The following PKN2 variants were observed in gnomAD, a reference collection of about 807,000 sequenced individuals.
The protein encoded by PKN2 is serine/threonine-protein kinase N2.
Under a neutral mutation model 119.1 loss-of-function variants are expected in PKN2, and 38 were observed. The ratio of observed to expected loss-of-function variants is 0.32; its 90% CI spans 0.25 to 0.42. The LOEUF (loss-of-function observed/expected upper bound fraction) is 0.42, where lower values mean the gene tolerates loss of function less well. Ranked by LOEUF, PKN2 falls within the 10% of genes least tolerant of loss-of-function variation. PKN2 has a pLI of 1.00. For synonymous variants in PKN2, 390 were observed against 384.9 expected (o/e 1.01, Z -0.15); for missense variants, 850 against 1,165.1 (o/e 0.73, Z 3.94).
At chr1:88,732,081 GT>G (rs34143555) in intron 1 of PKN2, among the ~76,000 whole-genome samples, 1 of 152,190 alleles carries the variant, frequency 6.6e-6, no homozygotes, top group Non-Finnish European at 1.5e-5. Context: ...GTAGTCTGTA[GT>G]TTGGTCCCTT....
chr1:88,773,217 C>T (rs1446072046), intron 6 of PKN2, among the ~76,000 whole-genome samples: 2 of 149,998 alleles, frequency 1.3e-5, no homozygotes, highest in Admixed American at 6.6e-5. Context: ...AAGATCCATT[C>T]TGTCAGTCTT....
chr1:88,693,210 C>T (rs1397491664), intron 1 of PKN2, among the ~76,000 whole-genome samples: 2 of 151,928 alleles, frequency 1.3e-5, no homozygotes, highest in Non-Finnish European at 2.9e-5. Context: ...CAGTATATTC[C>T]GTAAGATTAT....
At chr1:88,744,618 C>T (rs898960290) in intron 2 of PKN2, among the ~76,000 whole-genome samples, 1 of 152,166 alleles carries the variant, frequency 6.6e-6, no homozygotes, top group Non-Finnish European at 1.5e-5. Context: ...GGCAGGGTTT[C>T]ATCACATTGG....
intron 2 of PKN2, among the ~76,000 whole-genome samples, chr1:88,757,310 A>G (rs1009917718): frequency 6.6e-6 from 1 of 152,134 alleles, no homozygotes; most frequent in African/African-American, 2.4e-5. Flanking sequence ...ATCCTAGCCT[A>G]GTATCTCTAT....
In PKN2 at chr1:88,741,162, G is replaced by A. The variant is rs1277593226; in HGVS notation, c.223G>A (p.Asp75Asn). Reference sequence around the variant, plus strand: ...TGAAAATCTGAGGAAAGTCACAACAGATAAAAAAAGTTTGGCTTATGTAGA... The same window carrying A: ...TGAAAATCTGAGGAAAGTCACAACAAATAAAAAAAGTTTGGCTTATGTAGA... Reference protein sequence around the residue: ...GAENLRKVTTDKKSLAYVDNI... With the variant: ...GAENLRKVTTNKKSLAYVDNI... Residue 75 changes from aspartate (D) to asparagine (N), a missense_variant, in exon 2 of 22, where the codon GAT (aspartate) becomes AAT (asparagine). Transcript: ENST00000370521. 6.2e-7 allele frequency: 1 copy of A among 1,610,886 alleles called. No homozygotes were observed. The highest frequency in any genetic ancestry group is 8.5e-7 in the Non-Finnish European group (1 of 1,178,984).
intron 8 of PKN2, among the ~76,000 whole-genome samples, chr1:88,786,452 C>T (rs1670577048): frequency 1.3e-5 from 2 of 152,196 alleles, no homozygotes; most frequent in South Asian, 4.1e-4. Flanking sequence ...TCATTCATAG[C>T]AAACTTAAAG....
At chr1:88,701,860 A>G (rs1429428595) in intron 1 of PKN2, among the ~76,000 whole-genome samples, 2 of 152,246 alleles carry the variant, frequency 1.3e-5, no homozygotes, top group Non-Finnish European at 2.9e-5. Context: ...ACATTTGGAT[A>G]GCAATAGAAG....
At chr1:88,684,961 A>C (rs1367293168) in intron 1 of PKN2, 2 of 273,484 alleles carry the variant, frequency 7.3e-6, no homozygotes, top group African/African-American at 4.4e-5. Context: ...TCGGTGTCAG[A>C]GCTACCCGCG....
chr1:88,716,387 C>G (rs1336063576), intron 1 of PKN2, among the ~76,000 whole-genome samples: 12 of 152,112 alleles, frequency 7.9e-5, no homozygotes, highest in African/African-American at 1.4e-4. Context: ...AATGTTGACA[C>G]TGGGGTGTTA....
At chr1:88,700,811 A>G (rs926868349) in intron 1 of PKN2, among the ~76,000 whole-genome samples, 5 of 152,204 alleles carry the variant, frequency 3.3e-5, no homozygotes, top group African/African-American at 1.2e-4. Flanking sequence ...GGAAGTATTC[A>G]CTTCTGTCTG....
chr1:88,754,656 G>A (rs1054459943), intron 2 of PKN2, among the ~76,000 whole-genome samples: 6 of 152,200 alleles, frequency 3.9e-5, no homozygotes, highest in Middle Eastern at 3.2e-3. Flanking sequence ...ATGCCTAACC[G>A]TGAAGTTGGG....
chr1:88,745,891 A>G (rs1668747792), intron 2 of PKN2, among the ~76,000 whole-genome samples: 1 of 152,164 alleles, frequency 6.6e-6, no homozygotes, highest in Non-Finnish European at 1.5e-5. Context: ...TCATTAACCA[A>G]TGGAATAGAA....
intron 3 of PKN2, among the ~76,000 whole-genome samples, chr1:88,767,262 G>A (rs1669700887): frequency 6.6e-6 from 1 of 152,144 alleles, no homozygotes; most frequent in African/African-American, 2.4e-5. Context: ...CATAGTTTAT[G>A]CAAGAAACCT....
intron 3 of PKN2, 116 bp downstream of exon 3, chr1:88,760,492 ATGGC>A (rs1669400777): frequency 5.3e-6 from 3 of 569,566 alleles, no homozygotes. Context: ...TACTGGTGGC[ATGGC>A]ACTTTGGCAG....
Position 88,743,475 on chromosome 1 carries a change from A to G in PKN2, c.349+2187A>G, listed in dbSNP as rs1251542206. On this transcript the variant is annotated intron_variant, in intron 2 of 21. Coordinates refer to ENST00000370521, the MANE Select transcript of PKN2 (RefSeq NM_006256.4). Reference sequence around the variant, plus strand: ...AAAGAAATTACCTCCTTTAAGTCCTATCAAATTCCTGATCACCCTTAAAAA... The same window carrying G: ...AAAGAAATTACCTCCTTTAAGTCCTGTCAAATTCCTGATCACCCTTAAAAA... 6.6e-5 allele frequency among the ~76,000 whole-genome samples: 10 copies of G among 152,288 alleles called. No homozygotes were observed. The East Asian group carries it at 1.7e-3, about 26-fold the overall frequency.
intron 16 of PKN2, 45 bp downstream of exon 16, chr1:88,813,778 T>C (rs1671874002): frequency 7.0e-7 from 1 of 1,422,776 alleles, no homozygotes; most frequent in Non-Finnish European, 9.5e-7. Flanking sequence ...CATGACTGAT[T>C]TCATTCTGGG....
chr1:88,824,527 C>T (rs1236213609), intron 18 of PKN2, 141 bp downstream of exon 18: 3 of 568,098 alleles, frequency 5.3e-6, no homozygotes, highest in Non-Finnish European at 9.4e-6. Context: ...ACAATGAAAA[C>T]ATTGCTTATA....
Position 88,684,398 on chromosome 1 carries a change from C to T in PKN2, c.-183C>T. ...CGCTACGAGTGCCCTAGCTCCCCGCCGCTCTCGATGAACCGGACGGAATAA... is the reference window on the plus strand; with the variant it reads ...CGCTACGAGTGCCCTAGCTCCCCGCTGCTCTCGATGAACCGGACGGAATAA... On this transcript the variant is annotated 5_prime_UTR_variant, in exon 1 of 22. Coordinates refer to ENST00000370521, the MANE Select transcript of PKN2 (RefSeq NM_006256.4). 3.7e-6 allele frequency: 2 copies of T among 535,788 alleles called. No homozygotes were observed. The highest frequency in any genetic ancestry group is 2.4e-5 in the South Asian group (1 of 42,314). 33.2% of individuals were successfully genotyped at this position (535,788 alleles called of 1,614,324 possible). A position where few individuals can be genotyped will look rare whatever the true frequency, so the allele number is the denominator to read the frequency against.
chr1:88,820,260 C>A, intron 16 of PKN2, among the ~76,000 whole-genome samples: 1 of 133,170 alleles, frequency 7.5e-6, no homozygotes, highest in African/African-American at 3.0e-5. Flanking sequence ...AAATGCGAGG[C>A]ACCATGGCTC....
Sources: allele counts gnomAD v4.1 joint callset (sites outside exome capture counted in the v4.1 genomes callset), GRCh38; gene constraint gnomAD v4.1.1; transcripts MANE v1.5; gene names NCBI Gene and HGNC (gene_info 2026-07-23, HGNC 2026-07-21).